The following UBE3D variants were observed in gnomAD, a reference collection of about 807,000 sequenced individuals.
UBE3D encodes the protein E3 ubiquitin-protein ligase E3D.
Under a neutral mutation model 49.6 loss-of-function variants are expected in UBE3D, and 48 were observed. That is an observed-to-expected ratio of 0.97 (90% CI 0.77 to 1.23). UBE3D has a LOEUF of 1.23. Among genes scored for constraint, UBE3D ranks in the 50% most tolerant of loss-of-function variants. The probability of loss-of-function intolerance (pLI) is 0.00; values close to 1 mark genes in which losing one functional copy is unlikely to be tolerated. For synonymous variants in UBE3D, 189 were observed against 174.2 expected (o/e 1.08, Z -0.67); for missense variants, 452 against 468.4 (o/e 0.96, Z 0.32).
chr6:83,058,563 G>GTA (rs1783965428), intron 1 of UBE3D, among the ~76,000 whole-genome samples: 1 of 152,110 alleles, frequency 6.6e-6, no homozygotes, highest in Non-Finnish European at 1.5e-5. Context: ...AGTATAGAGG[G>GTA]GATAAAGGCA....
chr6:82,948,657 T>C (rs1281489757), intron 9 of UBE3D, among the ~76,000 whole-genome samples: 1 of 152,070 alleles, frequency 6.6e-6, no homozygotes, highest in Non-Finnish European at 1.5e-5. Context: ...ATTAAAAAGA[T>C]ATTTCTTCAT....
At chr6:82,900,797 A>AT (rs1192489651) in intron 9 of UBE3D, among the ~76,000 whole-genome samples, 1 of 152,180 alleles carries the variant, frequency 6.6e-6, no homozygotes, top group Non-Finnish European at 1.5e-5. Flanking sequence ...GACCTAACAC[A>AT]TTTTTTAAGA....
intron 9 of UBE3D, among the ~76,000 whole-genome samples, chr6:82,904,514 C>T (rs1456498281): frequency 6.6e-6 from 1 of 152,190 alleles, no homozygotes; most frequent in African/African-American, 2.4e-5. Flanking sequence ...TAGCTCCCTC[C>T]AGTTCTGCCC....
rs570405099 is a variant in UBE3D at position 82,933,080 on chromosome 6, G to T, written c.1149+24232C>A. On this transcript the variant is annotated intron_variant, in intron 9 of 9. Coordinates refer to ENST00000369747, the MANE Select transcript of UBE3D (RefSeq NM_198920.3). ...GACCAAGCAGATTTGGGTTTTTTTG[G>T]GGGGTGGGGGAAGATACTAACAAAA... 3.9e-5 allele frequency among the ~76,000 whole-genome samples: 6 copies of T among 152,116 alleles called. 1 individual carries two copies. The highest frequency in any genetic ancestry group is 2.0e-4 in the Admixed American group (3 of 15,284).
the UBE3D span, among the ~76,000 whole-genome samples, chr6:82,883,663 A>G: frequency 6.6e-6 from 1 of 152,188 alleles, no homozygotes; most frequent in East Asian, 1.9e-4. Context: ...GAATGACCTA[A>G]GATAAAGAGA....
chr6:83,055,882 T>C (rs959965596), intron 2 of UBE3D, among the ~76,000 whole-genome samples: 1 of 152,218 alleles, frequency 6.6e-6, no homozygotes, highest in African/African-American at 2.4e-5. Context: ...CCAGTACATA[T>C]CTATTCATAT....
intron 3 of UBE3D, among the ~76,000 whole-genome samples, chr6:83,052,004 G>C (rs147986014): frequency 0.018 from 2,702 of 152,330 alleles, 46 homozygotes; most frequent in Admixed American, 0.058. Flanking sequence ...ATGAGGGACA[G>C]TGCCTGATGC....
At chr6:82,940,683 C>A (rs35319741) in intron 9 of UBE3D, among the ~76,000 whole-genome samples, 302 of 152,214 alleles carry the variant, frequency 2.0e-3, no homozygotes, top group Non-Finnish European at 3.1e-3. Flanking sequence ...ACCCTTCTTC[C>A]CTACCCACTC....
chr6:82,953,367 G>A (rs1256908929), intron 9 of UBE3D, among the ~76,000 whole-genome samples: 3 of 152,102 alleles, frequency 2.0e-5, no homozygotes, highest in Non-Finnish European at 2.9e-5. Context: ...ACTCTTCTTC[G>A]AGTTTTTCTC....
chr6:83,058,167 A>T, intron 1 of UBE3D, 145 bp from the exon 2 acceptor site: 2 of 774,582 alleles, frequency 2.6e-6, no homozygotes, highest in South Asian at 1.8e-5. Flanking sequence ...CAGCAAGCAG[A>T]TCATAAAGGA....
chr6:82,987,265 CAG>C, intron 8 of UBE3D, among the ~76,000 whole-genome samples: 1 of 152,174 alleles, frequency 6.6e-6, no homozygotes, highest in African/African-American at 2.4e-5. Context: ...CCTTCCACCT[CAG>C]CTACTTGAAG....
chr6:83,028,183 T>A (rs1781617283), intron 5 of UBE3D, among the ~76,000 whole-genome samples: 1 of 152,214 alleles, frequency 6.6e-6, no homozygotes, highest in Non-Finnish European at 1.5e-5. Context: ...TTTTGCTAAA[T>A]ATGCTAAGCA....
chr6:83,000,884 G>GGTT (rs1779584168), intron 8 of UBE3D, among the ~76,000 whole-genome samples: 2 of 141,912 alleles, frequency 1.4e-5, no homozygotes, highest in African/African-American at 5.3e-5. Context: ...CGCTCTTGTT[G>GGTT]CCCAGACTGA....
At chr6:82,978,712 G>A (rs965756356) in intron 8 of UBE3D, among the ~76,000 whole-genome samples, 1 of 152,118 alleles carries the variant, frequency 6.6e-6, no homozygotes, top group African/African-American at 2.4e-5. Flanking sequence ...CCAAATGAAA[G>A]ACACTGTTCA....
chr6:82,882,664 T>G, the UBE3D span, among the ~76,000 whole-genome samples: 1 of 152,224 alleles, frequency 6.6e-6, no homozygotes, highest in Admixed American at 6.5e-5. Flanking sequence ...AAACTATAAC[T>G]TTAACAATGT....
At chr6:83,021,834 A>T (rs1269929175) in intron 7 of UBE3D, among the ~76,000 whole-genome samples, 1 of 151,782 alleles carries the variant, frequency 6.6e-6, no homozygotes. Flanking sequence ...ACGCCACTGC[A>T]CTCCAGTCTG....
At chr6:83,033,079 C>T (rs1781994610) in intron 5 of UBE3D, among the ~76,000 whole-genome samples, 1 of 152,116 alleles carries the variant, frequency 6.6e-6, no homozygotes, top group African/African-American at 2.4e-5. Context: ...TGCTTGGCTT[C>T]TGGTAAGGAC....
intron 8 of UBE3D, among the ~76,000 whole-genome samples, chr6:83,005,335 C>T (rs911757528): frequency 5.9e-5 from 9 of 151,636 alleles, no homozygotes; most frequent in African/African-American, 1.2e-4. Flanking sequence ...GAATAACAAG[C>T]GCTAGCAAGG....
At chr6:82,910,900 A>T (rs1424746117) in intron 9 of UBE3D, among the ~76,000 whole-genome samples, 2 of 152,184 alleles carry the variant, frequency 1.3e-5, no homozygotes, top group African/African-American at 2.4e-5. Flanking sequence ...GTGGCTCACC[A>T]ATTTTTCAAA....
Sources: gnomAD v4.1 joint callset for allele counts (sites outside exome capture counted in the v4.1 genomes callset) on GRCh38, gnomAD v4.1.1 for gene constraint, MANE v1.5 for transcripts, NCBI Gene and HGNC (gene_info 2026-07-23, HGNC 2026-07-21) for gene names.